SCFD1: variants seen among roughly 807,000 people sequenced by gnomAD.
SCFD1 encodes the protein sec1 family domain-containing protein 1.
SCFD1 carries 37 observed loss-of-function variants against 103.2 expected under a neutral mutation model. The observed-to-expected ratio is 0.36, with a 90% CI of 0.28 to 0.47. The LOEUF (loss-of-function observed/expected upper bound fraction) is 0.47, where lower values mean the gene tolerates loss of function less well. SCFD1 is among the 20% of genes least tolerant of loss of function. The pLI, the probability that SCFD1 is intolerant of heterozygous loss-of-function variation, is 1.00. For synonymous variants in SCFD1, 264 were observed against 245.0 expected (o/e 1.08, Z -0.73); for missense variants, 639 against 761.2 (o/e 0.84, Z 1.89).
intron 23 of SCFD1, chr14:30,722,771 T>C (rs1892739965): frequency 2.9e-6 from 1 of 350,076 alleles, no homozygotes; most frequent in Non-Finnish European, 5.1e-6. Context: ...GAAAACAATG[T>C]ATCTTATTGA....
intron 6 of SCFD1, among the ~76,000 whole-genome samples, chr14:30,642,921 C>T (rs1019451058): frequency 2.0e-5 from 3 of 152,012 alleles, no homozygotes; most frequent in African/African-American, 7.2e-5. Flanking sequence ...CCTATAATTC[C>T]AGCCCTTTGG....
chr14:30,720,432 A>G (rs930226859), intron 21 of SCFD1, among the ~76,000 whole-genome samples: 10 of 152,190 alleles, frequency 6.6e-5, no homozygotes, highest in African/African-American at 2.4e-4. Flanking sequence ...ACTTTTTTCT[A>G]TATTAATGAT....
chr14:30,694,328 G>T (rs1435103156), intron 14 of SCFD1, among the ~76,000 whole-genome samples: 2 of 151,998 alleles, frequency 1.3e-5, no homozygotes, highest in African/African-American at 2.4e-5. Flanking sequence ...TAATCTGTTG[G>T]TTTTTTTCTA....
At chr14:30,655,050 C>G (rs1028087321) in intron 10 of SCFD1, among the ~76,000 whole-genome samples, 7 of 152,114 alleles carry the variant, frequency 4.6e-5, no homozygotes, top group African/African-American at 9.7e-5. Context: ...CAATAGCTTT[C>G]CTGTCTTTCT....
At chr14:30,701,606 T>G (rs4981767) in intron 16 of SCFD1, among the ~76,000 whole-genome samples, 75,789 of 151,998 alleles carry the variant, frequency 0.5, 22,124 homozygotes, top group African/African-American at 0.81. Context: ...TATCTCAGGG[T>G]ATTCTAATAG....
intron 14 of SCFD1, among the ~76,000 whole-genome samples, chr14:30,681,489 A>G (rs73253017): frequency 0.036 from 5,473 of 152,010 alleles, 153 homozygotes; most frequent in African/African-American, 0.061. Context: ...ACATAGGATA[A>G]ATTTACAGAT....
At chr14:30,721,745 AC>A in intron 21 of SCFD1, 138 bp from the exon 22 acceptor site, 2 of 693,310 alleles carry the variant, frequency 2.9e-6, no homozygotes, top group Non-Finnish European at 5.0e-6. Context: ...AAATTAAAGG[AC>A]CCACCCCTCT....
chr14:30,662,048 A>G (rs1187146860), intron 10 of SCFD1, among the ~76,000 whole-genome samples: 1 of 152,140 alleles, frequency 6.6e-6, no homozygotes, highest in Non-Finnish European at 1.5e-5. Flanking sequence ...CTTTTATTTT[A>G]CAATTAAAAT....
At position 30,622,466 on chromosome 14, in the gene SCFD1, C is replaced by T. The variant is rs148078992; in HGVS notation, c.61+67C>T. On this transcript the variant is annotated intron_variant, in intron 1 of 24. Transcript: ENST00000458591. Reference sequence around the variant, plus strand: ...CCGACGACATCCTTCTCCTCTGGTGCGTGCAGCTCAGAGACCGATCTCCAG... The same window carrying T: ...CCGACGACATCCTTCTCCTCTGGTGTGTGCAGCTCAGAGACCGATCTCCAG... 7.0e-4 allele frequency: 1,081 copies of T among 1,535,132 alleles called. 7 individuals carry two copies. The African/African-American group carries it at 0.013, about 19-fold the overall frequency.
intron 23 of SCFD1, among the ~76,000 whole-genome samples, chr14:30,726,944 C>A (rs889907951): frequency 3.3e-5 from 5 of 152,102 alleles, no homozygotes; most frequent in East Asian, 1.9e-4. Flanking sequence ...GTTTTTATTG[C>A]TTGAATATAG....
intron 3 of SCFD1, among the ~76,000 whole-genome samples, chr14:30,632,184 T>C (rs535742441): frequency 1.5e-4 from 23 of 152,134 alleles, no homozygotes; most frequent in Non-Finnish European, 3.1e-4. Context: ...TTTATGATGT[T>C]ATAACCAATT....
chr14:30,727,083 A>G (rs1466043685), intron 23 of SCFD1, among the ~76,000 whole-genome samples: 1 of 152,148 alleles, frequency 6.6e-6, no homozygotes, highest in African/African-American at 2.4e-5. Context: ...GCAAAAGATC[A>G]GGGCTATAAG....
chr14:30,696,616 G>A (rs1207631553), intron 15 of SCFD1, among the ~76,000 whole-genome samples: 1 of 152,200 alleles, frequency 6.6e-6, no homozygotes, highest in Non-Finnish European at 1.5e-5. Flanking sequence ...TAGTAATCTG[G>A]CATGTCAAAG....
At chr14:30,734,562 G>A in intron 23 of SCFD1, 1 of 472,206 alleles carries the variant, frequency 2.1e-6, no homozygotes, top group East Asian at 3.6e-5. Context: ...GGCACCAATA[G>A]TATGCCATAG....
intron 18 of SCFD1, among the ~76,000 whole-genome samples, chr14:30,706,090 A>G (rs888620226): frequency 6.6e-6 from 1 of 151,372 alleles, no homozygotes; most frequent in Admixed American, 6.6e-5. Context: ...GTACATATTT[A>G]TGGGGTACAG....
At chr14:30,705,368 G>C (rs984737466) in intron 17 of SCFD1, among the ~76,000 whole-genome samples, 2 of 152,172 alleles carry the variant, frequency 1.3e-5, no homozygotes, top group South Asian at 2.1e-4. Context: ...ATTATTACAT[G>C]GTTGTTCTTT....
intron 10 of SCFD1, among the ~76,000 whole-genome samples, chr14:30,656,340 C>A (rs1337007088): frequency 6.6e-6 from 1 of 152,128 alleles, no homozygotes; most frequent in Admixed American, 6.6e-5. Context: ...GTTAATGATG[C>A]AGGAGATAAG....
At chr14:30,704,344 T>G (rs979240433) in intron 17 of SCFD1, among the ~76,000 whole-genome samples, 1 of 152,088 alleles carries the variant, frequency 6.6e-6, no homozygotes, top group Admixed American at 6.5e-5. Flanking sequence ...CAGCCAGATA[T>G]TTTTTAAAAC....
intron 16 of SCFD1, among the ~76,000 whole-genome samples, 178 bp downstream of exon 16, chr14:30,700,436 G>C (rs1224686407): frequency 6.6e-6 from 1 of 152,194 alleles, no homozygotes; most frequent in Non-Finnish European, 1.5e-5. Context: ...ACTTTGGGAG[G>C]CCGAGGCAGG....
Sources: gnomAD v4.1 joint callset for allele counts (sites outside exome capture counted in the v4.1 genomes callset) on GRCh38, gnomAD v4.1.1 for gene constraint, MANE v1.5 for transcripts, NCBI Gene and HGNC (gene_info 2026-07-23, HGNC 2026-07-21) for gene names.